The following IQGAP3 variants were observed in gnomAD, a reference collection of about 807,000 sequenced individuals.
The protein encoded by IQGAP3 is ras GTPase-activating-like protein IQGAP3.
A neutral mutation model predicts 208.2 loss-of-function variants in IQGAP3; 165 were observed. The ratio of observed to expected loss-of-function variants is 0.79; its 90% confidence interval spans 0.70 to 0.90. The LOEUF (loss-of-function observed/expected upper bound fraction) is 0.90. Ranked by LOEUF, IQGAP3 falls within the 40% of genes least tolerant of loss-of-function variation. The probability of loss-of-function intolerance (pLI) is 0.00; values close to 1 mark genes in which losing one functional copy is unlikely to be tolerated. For missense variants in IQGAP3, 1,811 were observed against 2,043.1 expected (o/e 0.89, Z 2.19); for synonymous variants, 703 against 803.6 (o/e 0.87, Z 2.12).
In IQGAP3 at chr1:156,539,395, G is replaced by A; in HGVS notation, c.3035C>T (p.Thr1012Ile). Residue 1012 changes from threonine (T) to isoleucine (I), a missense_variant, in exon 25 of 38, where the codon ACA becomes ATA. Thr to Ile is a moderately conservative substitution (Grantham distance 89, BLOSUM62 -1). Coordinates refer to ENST00000361170, the MANE Select transcript of IQGAP3 (RefSeq NM_178229.5). Reference sequence around the variant, plus strand: ...CTACTTGATTTCCTCCTGGAGTGCTGTCTTGAACAGCTGGAGCAGGAGATA... The same window carrying A: ...CTACTTGATTTCCTCCTGGAGTGCTATCTTGAACAGCTGGAGCAGGAGATA... Reference protein sequence around the residue: ...EAYLLLQLFKTALQEEIKSKV... With the variant: ...EAYLLLQLFKIALQEEIKSKV... 2 of 1,614,062 alleles carry A rather than the reference G, an allele frequency of 1.2e-6. No individual in the cohort carries two copies. The highest frequency in any genetic ancestry group is 1.7e-6 in the Non-Finnish European group (2 of 1,180,000).
rs542691582 is a variant in IQGAP3 at position 156,527,264 on chromosome 1, A to G, written c.4783-665T>C. On this transcript the variant is annotated intron_variant, in intron 37 of 37. Coordinates refer to ENST00000361170, the MANE Select transcript of IQGAP3 (RefSeq NM_178229.5). ...TGGGAGGCTGAGGCGGGCGGATCAC[A>G]AGGTCAGCAGTTCAAGACCAGCCTG... 1.8e-3 allele frequency among the ~76,000 whole-genome samples: 275 copies of G among 151,362 alleles called. 1 individual carries two copies. The highest frequency in any genetic ancestry group is 5.5e-3 in the African/African-American group (228 of 41,404).
intron 23 of IQGAP3, 59 bp from the exon 24 acceptor site, chr1:156,540,049 A>G (rs994851759): frequency 1.9e-5 from 31 of 1,596,100 alleles, no homozygotes; most frequent in Middle Eastern, 1.7e-4. Context: ...GGCACAGAAC[A>G]TACGGTCTAG....
chr1:156,550,006 T>C (rs1043359274), intron 16 of IQGAP3, among the ~76,000 whole-genome samples: 1 of 152,078 alleles, frequency 6.6e-6, no homozygotes, highest in Non-Finnish European at 1.5e-5. Context: ...AGGGAAAGTG[T>C]TCACAGGAAG....
rs1333216159 is a variant in IQGAP3, at chr1:156,566,431, G to C, written c.241C>G (p.Pro81Ala). 1 of 1,614,094 alleles carries C rather than the reference G, an allele frequency of 6.2e-7. No homozygotes were observed. The change falls in exon 3 of 38, where the codon CCC becomes GCC. Residue 81 changes from proline to alanine, a missense_variant. Physicochemically the swap from Pro to Ala is conservative, Grantham distance 27. Transcript: ENST00000361170. The part of the protein sequence containing the change: ...LGHCFAPSVV[P>A]LKKIYDVEQL... Reference sequence around the variant, plus strand: ...TCCACATCGTAGATCTTCTTCAAGGGAACCACGGAGGGTGCAAAACAGTGG... The same window carrying C: ...TCCACATCGTAGATCTTCTTCAAGGCAACCACGGAGGGTGCAAAACAGTGG...
At position 156,563,538 on chromosome 1, in the gene IQGAP3, G is replaced by C. The variant is rs1234173409; in HGVS notation, c.619+15C>G. On this transcript the variant is annotated intron_variant, in intron 7 of 37. Coordinates refer to ENST00000361170, the MANE Select transcript of IQGAP3 (RefSeq NM_178229.5). Reference sequence around the variant, plus strand: ...CATTGAGCCTACTCCTGGCAGGGCAGAGCCTAGTCCTTACCTGCAGCCTCA... The same window carrying C: ...CATTGAGCCTACTCCTGGCAGGGCACAGCCTAGTCCTTACCTGCAGCCTCA... 6.2e-7 allele frequency: 1 copy of C among 1,603,382 alleles called. No individual in the cohort carries two copies. Among genetic ancestry groups the C allele is most frequent in the South Asian group, 1.1e-5 (1 of 90,246 alleles).
rs755378821 is a variant in IQGAP3 at position 156,533,790 on chromosome 1, G to A, written c.3959C>T (p.Thr1320Ile). 1 of 1,613,674 alleles carries A rather than the reference G, an allele frequency of 6.2e-7. No homozygotes were observed. ...GCACGTACCAATAAGGTCAGGGATGGTGGGCAGCTCCCCAAGATCCTCCAG... is the reference window on the plus strand; with the variant it reads ...GCACGTACCAATAAGGTCAGGGATGATGGGCAGCTCCCCAAGATCCTCCAG... ...ELLEDLGELP[T>I]IPDLIGESIA... The change falls in exon 31 of 38, where the codon ACC becomes ATC. Residue 1320 changes from threonine (T) to isoleucine (I), a missense_variant. Thr to Ile is a moderately conservative substitution (Grantham distance 89). Coordinates refer to ENST00000361170, the MANE Select transcript of IQGAP3 (RefSeq NM_178229.5).
At position 156,540,821 on chromosome 1, in the gene IQGAP3, TCAG is replaced by T. The variant is rs756967077; in HGVS notation, c.2623_2625del (p.Leu875del). The stretch of plus-strand genomic sequence containing the variant: ...TTCCTAACTACCTCTTCCTGGAGCT[TCAG>T]CAGCTCTGCCTCAGCCAAGAAGTCT... On this transcript the variant is annotated inframe_deletion, in exon 23 of 38. Transcript: ENST00000361170. The T allele has an allele frequency of 7.9e-5, 127 of 1,614,078 alleles. 4 individuals are homozygous for T. The South Asian group carries it at 1.4e-3, about 18-fold the overall frequency.
At chr1:156,564,192 T>C (rs1676293836) in intron 5 of IQGAP3, among the ~76,000 whole-genome samples, 1 of 152,124 alleles carries the variant, frequency 6.6e-6, no homozygotes, top group African/African-American at 2.4e-5. Context: ...AGAGATGGCA[T>C]GGTAAACACA....
At position 156,529,747 on chromosome 1, in the gene IQGAP3, C is replaced by T. The variant is rs570995716; in HGVS notation, c.4404+358G>A. On this transcript the variant is annotated intron_variant, in intron 34 of 37. Coordinates refer to ENST00000361170, the MANE Select transcript of IQGAP3 (RefSeq NM_178229.5). ...CAGCCAGGCCAACATGGCCTGAAAC[C>T]GTGTCTCTACTAAAAATACAAAAAT... 1.6e-4 allele frequency among the ~76,000 whole-genome samples: 25 copies of T among 152,036 alleles called. No individual in the cohort carries two copies. The South Asian group carries it at 3.5e-3, about 22-fold the overall frequency.
chr1:156,550,258 T>C lies in IQGAP3; in HGVS notation c.1825+3A>G. On this transcript the variant is annotated splice_donor_region_variant and intron_variant, in intron 16 of 37. Transcript: ENST00000361170. Reference sequence around the variant, plus strand: ...CCCAGGGTCCCCCAACCAGTCCATTTACTTCTCTGAGCTGTATTAGTGTCC... The same window carrying C: ...CCCAGGGTCCCCCAACCAGTCCATTCACTTCTCTGAGCTGTATTAGTGTCC... The C allele has an allele frequency of 6.2e-7, 1 of 1,607,690 alleles. No homozygotes were observed. Among genetic ancestry groups the C allele is most frequent in the South Asian group, 1.1e-5 (1 of 90,906 alleles).
intron 19 of IQGAP3, among the ~76,000 whole-genome samples, chr1:156,546,605 CT>C (rs1298770118): frequency 1.3e-5 from 2 of 152,182 alleles, no homozygotes; most frequent in Non-Finnish European, 2.9e-5. Context: ...ACTTACCATG[CT>C]AAGTGCTACA....
chr1:156,571,367 G>T (rs1481442227), intron 1 of IQGAP3, among the ~76,000 whole-genome samples: 1 of 151,560 alleles, frequency 6.6e-6, no homozygotes, highest in East Asian at 1.9e-4. Context: ...GTCATTCCCG[G>T]TTGTTATCCT....
chr1:156,568,703 T>G (rs1212897006), intron 2 of IQGAP3, among the ~76,000 whole-genome samples: 4 of 152,192 alleles, frequency 2.6e-5, no homozygotes, highest in African/African-American at 4.8e-5. Context: ...TTGTATTTTT[T>G]GTAAAGATGG....
intron 11 of IQGAP3, among the ~76,000 whole-genome samples, chr1:156,557,602 G>T (rs1483261368): frequency 1.1e-4 from 8 of 73,720 alleles, no homozygotes; most frequent in African/African-American, 3.3e-4. Flanking sequence ...GCCCCATCCG[G>T]GAGGGAGGTG....
intron 2 of IQGAP3, among the ~76,000 whole-genome samples, chr1:156,567,740 T>C (rs1557948310): frequency 6.6e-6 from 1 of 152,194 alleles, no homozygotes; most frequent in South Asian, 2.1e-4. Flanking sequence ...AAAAGAATCC[T>C]GTTGATTAAA....
intron 22 of IQGAP3, among the ~76,000 whole-genome samples, chr1:156,541,566 A>C (rs1674984877): frequency 6.6e-6 from 1 of 152,184 alleles, no homozygotes; most frequent in South Asian, 2.1e-4. Flanking sequence ...ATGAGACAGA[A>C]CCTGTTCTAA....
intron 2 of IQGAP3, among the ~76,000 whole-genome samples, chr1:156,566,793 A>T (rs1248879111): frequency 2.6e-5 from 4 of 151,146 alleles, no homozygotes; most frequent in Admixed American, 6.6e-5. Context: ...TCCTTGACAG[A>T]TCCTGAACCT....
In IQGAP3 at chr1:156,550,243, C is replaced by T. The variant is rs756372528; in HGVS notation, c.1825+18G>A. On this transcript the variant is annotated intron_variant, in intron 16 of 37. Transcript: ENST00000361170. ...CACCATCCCTCCCCTCCCAGGGTCC[C>T]CCAACCAGTCCATTTACTTCTCTGA... 5.7e-6 allele frequency: 9 copies of T among 1,586,252 alleles called. No individual in the cohort carries two copies. Among genetic ancestry groups the T allele is most frequent in the Non-Finnish European group, 6.9e-6 (8 of 1,156,178 alleles).
chr1:156,564,540 G>A (rs766762558), intron 5 of IQGAP3, 75 bp downstream of exon 5: 94 of 955,060 alleles, frequency 9.8e-5, no homozygotes, highest in Non-Finnish European at 1.2e-4. Context: ...CTTCTTTCTT[G>A]CTGAGTTTGT....
Sources: allele counts gnomAD v4.1 joint callset (sites outside exome capture counted in the v4.1 genomes callset), GRCh38; gene constraint gnomAD v4.1.1; transcripts MANE v1.5; gene names NCBI Gene and HGNC (gene_info 2026-07-23, HGNC 2026-07-21).